IL1R1: variants seen among roughly 807,000 people sequenced by gnomAD.
The protein encoded by IL1R1 is interleukin 1 receptor type 1, also known as interleukin-1 receptor type 1.
In IL1R1, 22 loss-of-function variants were observed where a neutral mutation model predicts 50.2. That is an observed-to-expected ratio of 0.44 (90% CI 0.31 to 0.63). IL1R1 has a LOEUF of 0.63. IL1R1 is among the 20% of genes least tolerant of loss of function. IL1R1 has a pLI of 0.07. For synonymous variants in IL1R1, 251 were observed against 236.7 expected (o/e 1.06, Z -0.55); for missense variants, 509 against 676.2 (o/e 0.75, Z 2.74).
chr2:102,132,917 G>A (rs1372212527), intron 1 of IL1R1, among the ~76,000 whole-genome samples: 1 of 152,142 alleles, frequency 6.6e-6, no homozygotes, highest in East Asian at 1.9e-4. Flanking sequence ...GACTTGACTA[G>A]CCCTCTATCT....
chr2:102,174,218 C>T lies in IL1R1; in HGVS notation c.992-369C>T, dbSNP rs74952852. Among the ~76,000 whole-genome samples, 165 of 152,268 alleles carry T rather than the reference C, an allele frequency of 1.1e-3. 2 individuals carry two copies. The highest frequency in any genetic ancestry group is 3.9e-3 in the African/African-American group (161 of 41,556). On this transcript the variant is annotated intron_variant, in intron 9 of 11. Coordinates refer to ENST00000410023, the MANE Select transcript of IL1R1 (RefSeq NM_000877.4). ...CTAAGCCTCCACCTTATTCGCTTTC[C>T]ACCAGTCTTTAACTTTACCCAATGG...
chr2:102,120,241 G>A (rs1310933061), intron 1 of IL1R1, among the ~76,000 whole-genome samples: 1 of 152,132 alleles, frequency 6.6e-6, no homozygotes, highest in Non-Finnish European at 1.5e-5. Flanking sequence ...GTAGTTTCAT[G>A]AACGTGTGTG....
intron 9 of IL1R1, among the ~76,000 whole-genome samples, chr2:102,173,644 ATAT>A (rs1685874879): frequency 6.6e-6 from 1 of 152,228 alleles, no homozygotes; most frequent in Non-Finnish European, 1.5e-5. Flanking sequence ...GAAAGACTCG[ATAT>A]TATGAAGATA....
intron 11 of IL1R1, chr2:102,175,925 G>A (rs1191569500): frequency 5.6e-6 from 3 of 537,168 alleles, no homozygotes; most frequent in Non-Finnish European, 9.8e-6. Flanking sequence ...AACAGGAGTG[G>A]TAGAGATCAA....
intron 1 of IL1R1, among the ~76,000 whole-genome samples, chr2:102,071,491 T>C (rs1217077585): frequency 6.6e-6 from 1 of 152,264 alleles, no homozygotes; most frequent in Non-Finnish European, 1.5e-5. Flanking sequence ...ATAATGTATT[T>C]ATTCAGTTCC....
chr2:102,157,743 C>G lies in IL1R1; in HGVS notation c.19C>G (p.Leu7Val), dbSNP rs200131321. 6.2e-7 allele frequency: 1 copy of G among 1,606,286 alleles called. No individual in the cohort carries two copies. The highest frequency in any genetic ancestry group is 8.5e-7 in the Non-Finnish European group (1 of 1,173,196). Residue 7 changes from leucine (L) to valine (V), a missense_variant, in exon 3 of 12, where the codon CTT becomes GTT. Transcript: ENST00000410023. ...GAAGAATATGAAAGTGTTACTCAGACTTATTTGTTTCATAGCTCTACTGAT... is the reference window on the plus strand; with the variant it reads ...GAAGAATATGAAAGTGTTACTCAGAGTTATTTGTTTCATAGCTCTACTGAT... MKVLLRLICFIALLISS... is the reference protein window; with the variant it reads MKVLLRVICFIALLISS...
At chr2:102,114,354 G>A (rs1019322546) in intron 1 of IL1R1, among the ~76,000 whole-genome samples, 5 of 152,240 alleles carry the variant, frequency 3.3e-5, no homozygotes, top group African/African-American at 1.2e-4. Context: ...AGTATCAGCT[G>A]TCTGCTAAAG....
At chr2:102,089,315 G>A (rs928025794) in intron 1 of IL1R1, among the ~76,000 whole-genome samples, 8 of 152,176 alleles carry the variant, frequency 5.3e-5, no homozygotes, top group African/African-American at 1.9e-4. Flanking sequence ...CAGAGAATAG[G>A]AAGGAGACAG....
chr2:102,080,856 C>T (rs1471523662), intron 1 of IL1R1, among the ~76,000 whole-genome samples: 2 of 152,210 alleles, frequency 1.3e-5, no homozygotes, highest in African/African-American at 2.4e-5. Flanking sequence ...ATCCAAACAA[C>T]GGAATATTAT....
chr2:102,163,505 C>T (rs927230375), intron 3 of IL1R1, among the ~76,000 whole-genome samples: 6 of 152,046 alleles, frequency 3.9e-5, no homozygotes, highest in Admixed American at 6.6e-5. Context: ...TGCCGTGAAT[C>T]CCATCCATTG....
At chr2:102,166,581 C>T (rs887950014) in intron 6 of IL1R1, among the ~76,000 whole-genome samples, 5 of 152,130 alleles carry the variant, frequency 3.3e-5, no homozygotes, top group African/African-American at 1.2e-4. Flanking sequence ...CTCTGGGGCT[C>T]CCTCTGGCTG....
upstream of IL1R1, among the ~76,000 whole-genome samples, chr2:102,103,454 G>A (rs1227701177): frequency 1.3e-5 from 2 of 152,202 alleles, no homozygotes; most frequent in Non-Finnish European, 2.9e-5. Context: ...AGAGGTTTGA[G>A]CAGTGCCTCT....
intron 6 of IL1R1, among the ~76,000 whole-genome samples, chr2:102,167,510 C>T (rs930851120): frequency 7.4e-6 from 1 of 134,358 alleles, no homozygotes; most frequent in Admixed American, 8.7e-5. Context: ...TGCAGTGGTG[C>T]GATCTCCGCT....
chr2:102,124,159 T>C (rs1681558762), intron 1 of IL1R1, among the ~76,000 whole-genome samples: 2 of 152,036 alleles, frequency 1.3e-5, no homozygotes, highest in Non-Finnish European at 2.9e-5. Flanking sequence ...CAGTGGCTCA[T>C]ACCTGTGGTC....
At position 102,155,711 on chromosome 2, in the gene IL1R1, G is replaced by A. The variant is rs556833357; in HGVS notation, c.-7+1694G>A. On this transcript the variant is annotated intron_variant, in intron 2 of 11. Transcript: ENST00000410023. ...TTCCCAGAGCAGCTCTGGGGCAGAAGTAAACTTGGACCCAGGGGGCATAAC... is the reference window on the plus strand; with the variant it reads ...TTCCCAGAGCAGCTCTGGGGCAGAAATAAACTTGGACCCAGGGGGCATAAC... Among the ~76,000 whole-genome samples the A allele has an allele frequency of 7.2e-5, 11 of 152,302 alleles. 1 individual carries two copies. Among genetic ancestry groups the A allele is most frequent in the Admixed American group, 5.9e-4 (9 of 15,300 alleles).
chr2:102,109,703 C>T (rs769230387), intron 1 of IL1R1, among the ~76,000 whole-genome samples: 6 of 152,186 alleles, frequency 3.9e-5, no homozygotes, highest in East Asian at 1.9e-4. Flanking sequence ...AGACCAGATC[C>T]TCCCTGGCAG....
At position 102,120,254 on chromosome 2, in the gene IL1R1, G is replaced by T. The variant is rs1171406814; in HGVS notation, c.-84+15382G>T. On this transcript the variant is annotated intron_variant, in intron 1 of 10. Transcript: ENST00000409329. The stretch of plus-strand genomic sequence containing the variant: ...GTGTAGTTTCATGAACGTGTGTGTG[G>T]GTTTTCATGTGTGTTGAGTCAGTGT... 4.6e-5 allele frequency among the ~76,000 whole-genome samples: 7 copies of T among 151,958 alleles called. 1 individual carries two copies. Among genetic ancestry groups the T allele is most frequent in the African/African-American group, 1.7e-4 (7 of 41,352 alleles).
intron 1 of IL1R1, among the ~76,000 whole-genome samples, chr2:102,086,586 G>C (rs934392275): frequency 6.6e-6 from 1 of 151,776 alleles, no homozygotes; most frequent in Admixed American, 6.6e-5. Flanking sequence ...AGAGCCAGGG[G>C]CTCTGTTTAT....
intron 1 of IL1R1, among the ~76,000 whole-genome samples, chr2:102,095,830 C>T (rs1289690465): frequency 6.6e-6 from 1 of 151,992 alleles, no homozygotes; most frequent in South Asian, 2.1e-4. Flanking sequence ...TGGTGAAACC[C>T]CATCTCTACT....
Sources: allele counts gnomAD v4.1 joint callset (sites outside exome capture counted in the v4.1 genomes callset), GRCh38; gene constraint gnomAD v4.1.1; transcripts MANE v1.5; gene names NCBI Gene and HGNC (gene_info 2026-07-23, HGNC 2026-07-21).